The following FAM107B variants were observed in gnomAD, a reference collection of about 807,000 sequenced individuals.
FAM107B encodes protein FAM107B.
Under a neutral mutation model 31.5 loss-of-function variants are expected in FAM107B, and 21 were observed. The ratio of observed to expected loss-of-function variants is 0.67; its 90% CI spans 0.47 to 0.96. The LOEUF is 0.96. Ranked by LOEUF, FAM107B falls within the 40% of genes least tolerant of loss-of-function variation. The probability of loss-of-function intolerance (pLI) is 0.00; values close to 1 mark genes in which losing one functional copy is unlikely to be tolerated. For missense variants in FAM107B, 452 were observed against 377.1 expected (o/e 1.20, Z -1.64); for synonymous variants, 157 against 141.5 (o/e 1.11, Z -0.78).
At chr10:14,671,898 A>C (rs1029804390) in intron 1 of FAM107B, among the ~76,000 whole-genome samples, 2 of 150,450 alleles carry the variant, frequency 1.3e-5, no homozygotes, top group Non-Finnish European at 3.0e-5. Context: ...AAAAACAAAA[A>C]AAAAACCCTC....
At position 14,700,117 on chromosome 10, in the gene FAM107B, G is replaced by A. The variant is rs556766091; in HGVS notation, c.412-32426C>T. Reference sequence around the variant, plus strand: ...CTGGCTAATTTTCGTATTTTTAGTAGAGACTGGGTTTCACCATGTTGACCA... The same window carrying A: ...CTGGCTAATTTTCGTATTTTTAGTAAAGACTGGGTTTCACCATGTTGACCA... On this transcript the variant is annotated intron_variant, in intron 1 of 4. Coordinates refer to ENST00000181796, the MANE Select transcript of FAM107B (RefSeq NM_031453.4). 4.6e-4 allele frequency among the ~76,000 whole-genome samples: 70 copies of A among 152,210 alleles called. No homozygotes were observed. The South Asian group carries it at 0.014, about 29-fold the overall frequency.
At chr10:14,754,302 C>T (rs997825463) in intron 1 of FAM107B, among the ~76,000 whole-genome samples, 2 of 152,160 alleles carry the variant, frequency 1.3e-5, no homozygotes, top group African/African-American at 2.4e-5. Flanking sequence ...CTGCAGGGGT[C>T]GTGGAGCCTC....
rs1411230897 is a variant in FAM107B at position 14,520,355 on chromosome 10, T to A, written c.*835A>T. On this transcript the variant is annotated 3_prime_UTR_variant, in exon 5 of 5. Transcript: ENST00000181796. ...TCTACTTTTGCTACTGAAGCTGGGT[T>A]ATATGGACTAGTTCCACTCTCTAAG... 1.3e-5 allele frequency: 2 copies of A among 152,346 alleles called. No homozygotes were observed. The highest frequency in any genetic ancestry group is 3.9e-4 in the East Asian group (2 of 5,184). 9.4% of individuals were successfully genotyped at this position (152,346 alleles called of 1,614,324 possible). A position where few individuals can be genotyped will look rare whatever the true frequency, so the allele number is the denominator to read the frequency against.
chr10:14,704,924 T>C (rs961885544), intron 1 of FAM107B, among the ~76,000 whole-genome samples: 3 of 146,146 alleles, frequency 2.1e-5, no homozygotes, highest in Non-Finnish European at 4.4e-5. Flanking sequence ...CTTGGGAAGC[T>C]AAGGCAGGAG....
chr10:14,625,263 T>C (rs1015064684), intron 2 of FAM107B, among the ~76,000 whole-genome samples: 3 of 147,140 alleles, frequency 2.0e-5, no homozygotes, highest in Non-Finnish European at 4.5e-5. Flanking sequence ...TGCGTGCGTG[T>C]GTGTGTGTGT....
In FAM107B at chr10:14,709,326, C is replaced by G. The variant is rs541429053; in HGVS notation, c.412-41635G>C. ...CAATAAAGACATACTCGAGACTGGG[C>G]AATTTACAAAAGAAAGACGTTTAAT... is the stretch of plus-strand genomic sequence containing the variant. On this transcript the variant is annotated intron_variant, in intron 1 of 4. Transcript: ENST00000181796. Among the ~76,000 whole-genome samples, 14 of 152,256 alleles carry G rather than the reference C, an allele frequency of 9.2e-5. No individual in the cohort carries two copies. The East Asian group carries it at 2.5e-3, about 27-fold the overall frequency.
intron 2 of FAM107B, among the ~76,000 whole-genome samples, chr10:14,611,535 T>C (rs958687435): frequency 5.7e-5 from 8 of 141,450 alleles, no homozygotes; most frequent in Admixed American, 4.3e-4. Context: ...TATATTCACC[T>C]AACTTCTATT....
intron 2 of FAM107B, among the ~76,000 whole-genome samples, chr10:14,619,323 G>C (rs1368818376): frequency 2.0e-5 from 3 of 152,198 alleles, no homozygotes; most frequent in African/African-American, 4.8e-5. Flanking sequence ...CAATGCATGA[G>C]AGTCCTGGTT....
chr10:14,709,373 T>C (rs1020559128), intron 1 of FAM107B, among the ~76,000 whole-genome samples: 9 of 152,200 alleles, frequency 5.9e-5, no homozygotes, highest in Non-Finnish European at 2.9e-5. Context: ...TCCACGTGGC[T>C]GGGCAAGCCT....
chr10:14,560,814 G>A (rs762370902), intron 2 of FAM107B, among the ~76,000 whole-genome samples: 1 of 152,194 alleles, frequency 6.6e-6, no homozygotes, highest in African/African-American at 2.4e-5. Context: ...ATATGCCAAA[G>A]CCCCGATGTT....
intron 1 of FAM107B, among the ~76,000 whole-genome samples, chr10:14,699,957 G>A (rs1006530720): frequency 2.6e-5 from 4 of 152,064 alleles, no homozygotes; most frequent in African/African-American, 9.7e-5. Context: ...TTTTGAGATG[G>A]ACTCCCGCTC....
At chr10:14,560,031 T>C (rs1253651243) in intron 2 of FAM107B, among the ~76,000 whole-genome samples, 1 of 152,148 alleles carries the variant, frequency 6.6e-6, no homozygotes, top group Non-Finnish European at 1.5e-5. Context: ...TTCCCCAATC[T>C]CATTGCAACC....
chr10:14,757,203 A>G (rs1246962267), intron 1 of FAM107B, among the ~76,000 whole-genome samples: 1 of 152,180 alleles, frequency 6.6e-6, no homozygotes, highest in Non-Finnish European at 1.5e-5. Context: ...CCAACCAAAC[A>G]AAAACCATAC....
chr10:14,659,908 T>A (rs1444356217), intron 2 of FAM107B, among the ~76,000 whole-genome samples: 6 of 151,488 alleles, frequency 4.0e-5, no homozygotes, highest in Non-Finnish European at 7.4e-5. Context: ...AAATACTTAT[T>A]TTTTTTTCTC....
At chr10:14,565,771 A>T (rs968412982) in intron 2 of FAM107B, among the ~76,000 whole-genome samples, 2 of 152,126 alleles carry the variant, frequency 1.3e-5, no homozygotes, top group African/African-American at 4.8e-5. Flanking sequence ...GAGGAAGGGG[A>T]GGCTGCAAAG....
chr10:14,521,626 T>C (rs889440634), intron 4 of FAM107B, among the ~76,000 whole-genome samples: 2 of 152,182 alleles, frequency 1.3e-5, no homozygotes, highest in African/African-American at 4.8e-5. Flanking sequence ...TCCAGCACCC[T>C]GTGTGAATTC....
chr10:14,663,676 C>T (rs932897943), intron 2 of FAM107B, among the ~76,000 whole-genome samples: 1 of 152,118 alleles, frequency 6.6e-6, no homozygotes, highest in African/African-American at 2.4e-5. Context: ...GGGAAAGGCA[C>T]TAAGGTTCCA....
chr10:14,535,787 C>A (rs1461121040), intron 2 of FAM107B, among the ~76,000 whole-genome samples: 3 of 152,234 alleles, frequency 2.0e-5, no homozygotes, highest in Admixed American at 1.3e-4. Context: ...ACACTATGCA[C>A]TGAAAAATGC....
intron 1 of FAM107B, among the ~76,000 whole-genome samples, chr10:14,668,120 C>T (rs940333428): frequency 1.3e-5 from 2 of 152,130 alleles, no homozygotes; most frequent in African/African-American, 2.4e-5. Flanking sequence ...CGGCTTACTG[C>T]AACCTCCAAC....
Sources: gnomAD v4.1 joint callset for allele counts (sites outside exome capture counted in the v4.1 genomes callset) on GRCh38, gnomAD v4.1.1 for gene constraint, MANE v1.5 for transcripts, NCBI Gene and HGNC (gene_info 2026-07-23, HGNC 2026-07-21) for gene names.